EDN1: variants seen among roughly 807,000 people sequenced by gnomAD.
The protein encoded by EDN1 is endothelin-1.
A neutral mutation model predicts 21.7 loss-of-function variants in EDN1; 11 were observed. That is an observed-to-expected ratio of 0.51 (90% CI 0.32 to 0.84). The LOEUF (loss-of-function observed/expected upper bound fraction) is 0.84. EDN1 is among the 40% of genes least tolerant of loss of function. The probability of loss-of-function intolerance (pLI) is 0.03; values close to 1 mark genes in which losing one functional copy is unlikely to be tolerated. For missense variants in EDN1, 244 were observed against 262.3 expected (o/e 0.93, Z 0.48); for synonymous variants, 85 against 90.6 (o/e 0.94, Z 0.35).
At chr6:12,265,013 A>G in the EDN1 span, among the ~76,000 whole-genome samples, 2 of 152,324 alleles carry the variant, frequency 1.3e-5, no homozygotes, top group South Asian at 4.1e-4. Context: ...TCCAACACAT[A>G]AAAGAGAATA....
At chr6:12,266,307 G>A in the EDN1 span, among the ~76,000 whole-genome samples, 1 of 152,178 alleles carries the variant, frequency 6.6e-6, no homozygotes. Flanking sequence ...GAGAAAAGAA[G>A]TGGAGAAGAT....
chr6:12,283,809 A>T, the EDN1 span, among the ~76,000 whole-genome samples: 3 of 152,220 alleles, frequency 2.0e-5, no homozygotes, highest in African/African-American at 7.2e-5. Flanking sequence ...AAATCCAGTA[A>T]CCAAAACATC....
the EDN1 span, among the ~76,000 whole-genome samples, chr6:12,250,469 G>C: frequency 1.3e-5 from 2 of 151,994 alleles, no homozygotes; most frequent in Non-Finnish European, 2.9e-5. Context: ...AAAATTTCTT[G>C]TCTTCTTATC....
chr6:12,259,940 A>T, the EDN1 span, among the ~76,000 whole-genome samples: 1 of 151,164 alleles, frequency 6.6e-6, no homozygotes, highest in African/African-American at 2.5e-5. Flanking sequence ...ATACCAAGAT[A>T]AATCTAAAAA....
At chr6:12,287,089 C>T (rs1762568429), upstream of EDN1, among the ~76,000 whole-genome samples, 3 of 151,608 alleles carry the variant, frequency 2.0e-5, no homozygotes, top group Admixed American at 2.0e-4. Flanking sequence ...TGCACTCCAG[C>T]CTTGGAGACA....
At chr6:12,270,694 A>G in the EDN1 span, among the ~76,000 whole-genome samples, 1 of 152,214 alleles carries the variant, frequency 6.6e-6, no homozygotes, top group Non-Finnish European at 1.5e-5. Flanking sequence ...GTGGCCTAAC[A>G]TATGATCTAT....
At chr6:12,245,833 G>A in the EDN1 span, among the ~76,000 whole-genome samples, 1 of 152,072 alleles carries the variant, frequency 6.6e-6, no homozygotes, top group Non-Finnish European at 1.5e-5. Flanking sequence ...GGCTGTGGGT[G>A]GGGAGGGACA....
chr6:12,293,644 C>T (rs1450668920), intron 2 of EDN1, among the ~76,000 whole-genome samples: 1 of 152,128 alleles, frequency 6.6e-6, no homozygotes, highest in Admixed American at 6.5e-5. Context: ...CAGAGATGTC[C>T]TAATTTTTGA....
At chr6:12,280,507 A>G in the EDN1 span, among the ~76,000 whole-genome samples, 1 of 152,172 alleles carries the variant, frequency 6.6e-6, no homozygotes. Flanking sequence ...TTCCCTCTCT[A>G]CCTTCTTAAG....
intron 4 of EDN1, among the ~76,000 whole-genome samples, chr6:12,295,483 A>C (rs1045861863): frequency 7.2e-6 from 1 of 139,460 alleles, no homozygotes; most frequent in East Asian, 2.0e-4. Context: ...TTAGGCCTGC[A>C]AAAAAAAAAA....
At chr6:12,241,691 C>A in the EDN1 span, among the ~76,000 whole-genome samples, 2 of 152,162 alleles carry the variant, frequency 1.3e-5, no homozygotes, top group African/African-American at 4.8e-5. Context: ...GAATTGAAAC[C>A]AGCTTATGGT....
In EDN1 at chr6:12,294,411, G is replaced by A. The variant is rs576837257; in HGVS notation, c.533+7G>A. ...AACACCTAAGACAAACCAGGTAAGA[G>A]GGAAGGAAGAAAAATTAGGTAAGAG... On this transcript the variant is annotated splice_region_variant and intron_variant, in intron 4 of 4. Coordinates refer to ENST00000379375, the MANE Select transcript of EDN1 (RefSeq NM_001955.5). 2 of 1,614,058 alleles carry A rather than the reference G, an allele frequency of 1.2e-6. No homozygotes were observed. The highest frequency in any genetic ancestry group is 2.2e-5 in the East Asian group (1 of 44,878).
chr6:12,276,187 A>G, the EDN1 span, among the ~76,000 whole-genome samples: 1 of 127,196 alleles, frequency 7.9e-6, no homozygotes, highest in African/African-American at 3.0e-5. Context: ...AAAAAAAAAA[A>G]GAATCCTAAC....
chr6:12,264,732 G>GT, the EDN1 span, among the ~76,000 whole-genome samples: 1 of 152,204 alleles, frequency 6.6e-6, no homozygotes, highest in Non-Finnish European at 1.5e-5. Context: ...GGTTGAACAA[G>GT]TTTGCTCTAG....
At chr6:12,245,644 G>C in the EDN1 span, among the ~76,000 whole-genome samples, 1 of 152,204 alleles carries the variant, frequency 6.6e-6, no homozygotes, top group Non-Finnish European at 1.5e-5. Flanking sequence ...ACCCTCAGAT[G>C]ACCAAGCCCT....
the EDN1 span, among the ~76,000 whole-genome samples, chr6:12,284,744 GAAGGAAGAAAGA>G: frequency 1.0e-3 from 70 of 68,772 alleles, no homozygotes; most frequent in Middle Eastern, 6.0e-3. Context: ...AGGAAGGAAG[GAAGGAAGAAAGA>G]AAGAAAGAAA....
At chr6:12,246,364 C>A in the EDN1 span, among the ~76,000 whole-genome samples, 1 of 152,186 alleles carries the variant, frequency 6.6e-6, no homozygotes, top group East Asian at 1.9e-4. Context: ...CAGAGGCAAT[C>A]ACTTCTTAAC....
the EDN1 span, among the ~76,000 whole-genome samples, chr6:12,273,476 T>C: frequency 5.9e-5 from 9 of 152,144 alleles, no homozygotes; most frequent in Non-Finnish European, 8.8e-5. Context: ...ATTTGGATGA[T>C]TTACATATAT....
upstream of EDN1, among the ~76,000 whole-genome samples, chr6:12,287,708 T>TCACA (rs1238623776): frequency 3.9e-5 from 3 of 76,148 alleles, no homozygotes; most frequent in Non-Finnish European, 8.6e-5. Flanking sequence ...TCTCTCTCTC[T>TCACA]CTCTCACACA....
Sources: allele counts gnomAD v4.1 joint callset (sites outside exome capture counted in the v4.1 genomes callset), GRCh38; gene constraint gnomAD v4.1.1; transcripts MANE v1.5; gene names NCBI Gene and HGNC (gene_info 2026-07-23, HGNC 2026-07-21).